The following ESYT2 variants were observed in gnomAD, a reference collection of about 807,000 sequenced individuals.
ESYT2 encodes extended synaptotagmin 2.
Under a neutral mutation model 107.2 loss-of-function variants are expected in ESYT2, and 54 were observed. That is an observed-to-expected ratio of 0.50 (90% CI 0.40 to 0.63). ESYT2 has a LOEUF of 0.63. ESYT2 is among the 30% of genes least tolerant of loss of function. The pLI, the probability that ESYT2 is intolerant of heterozygous loss-of-function variation, is 0.00. For synonymous variants in ESYT2, 491 were observed against 434.1 expected (o/e 1.13, Z -1.63); for missense variants, 1,020 against 1,094.5 (o/e 0.93, Z 0.96).
At chr7:158,776,200 T>C (rs759813636) in intron 6 of ESYT2, among the ~76,000 whole-genome samples, 4 of 152,330 alleles carry the variant, frequency 2.6e-5, no homozygotes, top group South Asian at 2.1e-4. Flanking sequence ...AGTGTAGATA[T>C]AGCGTGATTC....
intron 4 of ESYT2, among the ~76,000 whole-genome samples, chr7:158,791,713 T>G (rs916703833): frequency 6.6e-6 from 1 of 152,240 alleles, no homozygotes; most frequent in East Asian, 1.9e-4. Context: ...GCCATTTCTG[T>G]ATCATCCCTG....
intron 9 of ESYT2, 138 bp downstream of exon 9, chr7:158,764,538 TG>T: frequency 1.1e-6 from 1 of 878,674 alleles, no homozygotes; most frequent in Non-Finnish European, 1.8e-6. Context: ...TTTTTAAAGA[TG>T]GGAAATTAAA....
rs1283925672 is a variant in ESYT2, at chr7:158,761,490, A to G, written c.1233+6T>C. ...GTAAACAGACCCACACTCCAGGGAA[A>G]CTTACTTCATCTAAAAGGCGCTCCT... On this transcript the variant is annotated splice_donor_region_variant and intron_variant, in intron 11 of 22. Transcript: ENST00000275418. The G allele has an allele frequency of 6.2e-7, 1 of 1,614,052 alleles. No individual in the cohort carries two copies. The highest frequency in any genetic ancestry group is 2.2e-5 in the East Asian group (1 of 44,882).
chr7:158,764,766 G>A lies in ESYT2; in HGVS notation c.1012C>T (p.Pro338Ser). The A allele has an allele frequency of 6.2e-7, 1 of 1,614,056 alleles. No homozygotes were observed. The highest frequency in any genetic ancestry group is 8.5e-7 in the Non-Finnish European group (1 of 1,180,024). Residue 338 changes from proline (P) to serine (S), a missense_variant, in exon 9 of 23, where the codon CCC becomes TCC. Coordinates refer to ENST00000275418, the MANE Select transcript of ESYT2 (RefSeq NM_001367773.1). The part of the protein sequence containing the change: ...LKGLVKGKSD[P>S]YGIIRVGNQI... ...TTGCCAACTCTAATGATTCCATAGG[G>A]GTCTGACTTTCCCTTGACAAGTCCC...
At chr7:158,793,260 A>G (rs1173220665) in intron 4 of ESYT2, among the ~76,000 whole-genome samples, 1 of 152,208 alleles carries the variant, frequency 6.6e-6, no homozygotes, top group Admixed American at 6.5e-5. Flanking sequence ...TTACATCGAC[A>G]AATTTTTGTA....
At chr7:158,806,136 C>T (rs12698288) in intron 1 of ESYT2, among the ~76,000 whole-genome samples, 17,065 of 147,630 alleles carry the variant, frequency 0.12, 1,860 homozygotes, top group East Asian at 0.55. Flanking sequence ...TGGGAGGTGC[C>T]GGGGCACACC....
chr7:158,743,823 G>A (rs1837304132), intron 16 of ESYT2, 145 bp from the exon 17 acceptor site: 7 of 880,242 alleles, frequency 8.0e-6, no homozygotes, highest in Non-Finnish European at 1.1e-5. Flanking sequence ...GCTCACGCCT[G>A]TAATTTCAGC....
At position 158,797,612 on chromosome 7, in the gene ESYT2, T is replaced by C. The variant is rs564837351; in HGVS notation, c.507+330A>G. ...GGCTCACACCTGTAGTCCCAGCACT[T>C]TGGGAGGCTGAAGCAGGCAGATCAT... On this transcript the variant is annotated intron_variant, in intron 3 of 22. Transcript: ENST00000275418. Among the ~76,000 whole-genome samples, 4 of 152,038 alleles carry C rather than the reference T, an allele frequency of 2.6e-5. No homozygotes were observed. In the South Asian group the frequency reaches 8.3e-4, roughly 32 times the overall value.
intron 6 of ESYT2, among the ~76,000 whole-genome samples, chr7:158,780,876 G>GCATTAC (rs1425609537): frequency 6.6e-6 from 1 of 152,228 alleles, no homozygotes; most frequent in Non-Finnish European, 1.5e-5. Flanking sequence ...AAGAGCCAGA[G>GCATTAC]GCTGTAATGA....
At chr7:158,819,885 G>A (rs1840243897) in intron 1 of ESYT2, among the ~76,000 whole-genome samples, 1 of 152,008 alleles carries the variant, frequency 6.6e-6, no homozygotes, top group Non-Finnish European at 1.5e-5. Flanking sequence ...AAGTAATAAA[G>A]AAAGCATAAT....
intron 9 of ESYT2, 72 bp downstream of exon 9, chr7:158,764,605 G>C (rs1838085635): frequency 6.7e-7 from 1 of 1,497,404 alleles, no homozygotes. Flanking sequence ...GACTGTGCTG[G>C]AATGAGAGCT....
rs114715168 is a variant in ESYT2 at position 158,767,804 on chromosome 7, G to A, written c.804-30C>T. On this transcript the variant is annotated intron_variant, in intron 7 of 22. Transcript: ENST00000275418. ...TAGTTGGGAGACAAAAAGAGCAAAC[G>A]GACTATCAGACATGTGAATGCTTCT... 7.8e-3 allele frequency: 12,418 copies of A among 1,595,330 alleles called. 464 individuals carry two copies. In the African/African-American group the frequency reaches 0.11, roughly 14 times the overall value.
chr7:158,782,220 CAG>C (rs987142150), intron 6 of ESYT2, among the ~76,000 whole-genome samples: 13 of 109,840 alleles, frequency 1.2e-4, no homozygotes, highest in African/African-American at 4.1e-4. Context: ...CGTGTGAGAA[CAG>C]ATGTGAGTGT....
chr7:158,806,590 A>G (rs574912803), intron 1 of ESYT2, among the ~76,000 whole-genome samples: 10 of 152,376 alleles, frequency 6.6e-5, no homozygotes, highest in African/African-American at 2.4e-4. Flanking sequence ...ATGTCAACAG[A>G]CTTATTTACA....
In ESYT2 at chr7:158,764,675, A is replaced by T. The variant is rs1367047750; in HGVS notation, c.1101+2T>A. On this transcript the variant is annotated splice_donor_variant, in intron 9 of 22. Transcript: ENST00000275418. LOFTEE classifies it high-confidence loss of function. ...AGCAACACAGCAGACACGACACCCC[A>T]CCTCATAGACTTCATTCCACTTTGG... 6.2e-7 allele frequency: 1 copy of T among 1,613,476 alleles called. No homozygotes were observed. The highest frequency in any genetic ancestry group is 8.5e-7 in the Non-Finnish European group (1 of 1,179,778).
At chr7:158,786,168 A>G (rs1213113650) in intron 6 of ESYT2, among the ~76,000 whole-genome samples, 1 of 152,232 alleles carries the variant, frequency 6.6e-6, no homozygotes, top group Non-Finnish European at 1.5e-5. Flanking sequence ...ACGTTATTTT[A>G]AAAGTAAAGT....
chr7:158,806,021 G>T (rs1180393485), intron 1 of ESYT2, among the ~76,000 whole-genome samples: 1 of 151,730 alleles, frequency 6.6e-6, no homozygotes, highest in Non-Finnish European at 1.5e-5. Flanking sequence ...GGGACACAGG[G>T]CTCTTTTGGC....
At chr7:158,742,042 A>G (rs1339746223) in intron 17 of ESYT2, 146 bp from the exon 18 acceptor site, 1 of 850,424 alleles carries the variant, frequency 1.2e-6, no homozygotes, top group East Asian at 2.7e-5. Context: ...AGTTTAGGTA[A>G]CCAAAATGTC....
chr7:158,752,156 T>C (rs1457763841), intron 14 of ESYT2, among the ~76,000 whole-genome samples: 1 of 152,190 alleles, frequency 6.6e-6, no homozygotes, highest in South Asian at 2.1e-4. Context: ...GCCTAAAATA[T>C]TCAAAGAAAT....
Sources: allele counts gnomAD v4.1 joint callset (sites outside exome capture counted in the v4.1 genomes callset), GRCh38; gene constraint gnomAD v4.1.1; transcripts MANE v1.5; gene names NCBI Gene and HGNC (gene_info 2026-07-23, HGNC 2026-07-21).